FOXK2: variants seen among roughly 807,000 people sequenced by gnomAD.
FOXK2 encodes the protein forkhead box K2.
A neutral mutation model predicts 53.3 loss-of-function variants in FOXK2; 24 were observed. That is an observed-to-expected ratio of 0.45 (90% CI 0.33 to 0.63). The LOEUF (loss-of-function observed/expected upper bound fraction) is 0.63, where lower values mean the gene tolerates loss of function less well. Ranked by LOEUF, FOXK2 falls within the 30% of genes least tolerant of loss-of-function variation. The pLI is 0.03. For missense variants in FOXK2, 952 were observed against 910.5 expected (o/e 1.05, Z -0.59); for synonymous variants, 505 against 407.1 (o/e 1.24, Z -2.89).
intron 3 of FOXK2, among the ~76,000 whole-genome samples, chr17:82,568,644 T>C (rs2044879097): frequency 6.6e-6 from 1 of 152,212 alleles, no homozygotes; most frequent in African/African-American, 2.4e-5. Context: ...ACCTGGCACG[T>C]TTGTATTCTT....
chr17:82,547,325 T>C (rs1239729256), intron 1 of FOXK2, among the ~76,000 whole-genome samples: 1 of 152,100 alleles, frequency 6.6e-6, no homozygotes, highest in African/African-American at 2.4e-5. Context: ...CTGGGCCACA[T>C]TGGAAAAAGT....
At chr17:82,573,342 C>T (rs1388115360) in intron 4 of FOXK2, among the ~76,000 whole-genome samples, 1 of 152,072 alleles carries the variant, frequency 6.6e-6, no homozygotes, top group Non-Finnish European at 1.5e-5. Flanking sequence ...AGTGTCTATA[C>T]CCTGTCCTGC....
In FOXK2 at chr17:82,536,928, G is replaced by C. The variant is rs147998194; in HGVS notation, c.419+16621G>C. Among the ~76,000 whole-genome samples, 585 of 152,360 alleles carry C rather than the reference G, an allele frequency of 3.8e-3. 6 individuals carry two copies. Among genetic ancestry groups the C allele is most frequent in the African/African-American group, 0.013 (538 of 41,590 alleles). The stretch of plus-strand genomic sequence containing the variant: ...CCTTGGATCTGACTTAGGCAAAACA[G>C]AAGAGGAGTGCCTTGTGTCAGTCAG... On this transcript the variant is annotated intron_variant, in intron 1 of 8. Coordinates refer to ENST00000335255, the MANE Select transcript of FOXK2 (RefSeq NM_004514.4).
In FOXK2 at chr17:82,587,264, T is replaced by C. The variant is rs1202212961; in HGVS notation, c.1778T>C (p.Val593Ala). The C allele has an allele frequency of 1.2e-6, 2 of 1,612,616 alleles. No individual in the cohort carries two copies. Among genetic ancestry groups the C allele is most frequent in the East Asian group, 4.5e-5 (2 of 44,884 alleles). The change falls in exon 8 of 9, where the codon GTG (valine) becomes GCG (alanine). Residue 593 changes from valine (V) to alanine (A), a missense_variant. Val to Ala is a moderately conservative substitution (Grantham distance 64, BLOSUM62 0). Coordinates refer to ENST00000335255, the MANE Select transcript of FOXK2 (RefSeq NM_004514.4). Reference sequence around the variant, plus strand: ...GTCCCCACTGCGGTCCACGGCCAGGTGAACAATGGTAAGACATGCTGGTCG... The same window carrying C: ...GTCCCCACTGCGGTCCACGGCCAGGCGAACAATGGTAAGACATGCTGGTCG... The part of the protein sequence containing the change: ...ASVPTAVHGQ[V>A]NNAAASPLHM...
At chr17:82,532,181 G>C (rs1234839904) in intron 1 of FOXK2, among the ~76,000 whole-genome samples, 1 of 151,268 alleles carries the variant, frequency 6.6e-6, no homozygotes, top group Non-Finnish European at 1.5e-5. Context: ...TTTCGCTCTT[G>C]TTGCCTAGGC....
chr17:82,536,001 C>T (rs533258839), intron 1 of FOXK2, among the ~76,000 whole-genome samples: 44 of 152,092 alleles, frequency 2.9e-4, no homozygotes, highest in African/African-American at 8.4e-4. Flanking sequence ...CTCAGCCTCC[C>T]GAAGTGCTGG....
intron 8 of FOXK2, chr17:82,595,950 A>G (rs768627012): frequency 5.7e-5 from 71 of 1,245,924 alleles, no homozygotes; most frequent in Non-Finnish European, 6.9e-5. Flanking sequence ...AAGGTTGTCC[A>G]GAGACACCTA....
chr17:82,548,284 C>G (rs1287110767), intron 1 of FOXK2, among the ~76,000 whole-genome samples: 1 of 152,206 alleles, frequency 6.6e-6, no homozygotes, highest in Non-Finnish European at 1.5e-5. Context: ...ATATCCTTGT[C>G]AGCACTTGGT....
intron 4 of FOXK2, chr17:82,572,165 C>T (rs1455687953): frequency 1.4e-5 from 4 of 279,956 alleles, no homozygotes; most frequent in African/African-American, 2.2e-5. Flanking sequence ...TGAGATATTT[C>T]CCTTTGACCA....
Position 82,571,757 on chromosome 17 carries a change from C to T in FOXK2, c.796C>T (p.Leu266=), listed in dbSNP as rs1036084139. ...DSKPPYSYAQ[L]IVQAITMAPD... is the part of the protein sequence containing the mutation. ...AAAGCCGCCTTACTCCTACGCGCAG[C>T]TGATAGTTCAGGCGATTACGATGGC... The change falls in exon 4 of 9, where the codon CTG becomes TTG. Residue 266 remains leucine (L), a synonymous_variant. Coordinates refer to ENST00000335255, the MANE Select transcript of FOXK2 (RefSeq NM_004514.4). 5.0e-6 allele frequency: 8 copies of T among 1,589,152 alleles called. No individual in the cohort carries two copies. The highest frequency in any genetic ancestry group is 6.8e-6 in the Non-Finnish European group (8 of 1,171,124).
intron 8 of FOXK2, 185 bp from the exon 9 acceptor site, chr17:82,601,118 T>G: frequency 1.6e-6 from 1 of 617,474 alleles, no homozygotes; most frequent in Non-Finnish European, 2.7e-6. Flanking sequence ...TTGGCCACCG[T>G]GGGCCAGTCC....
intron 8 of FOXK2, among the ~76,000 whole-genome samples, chr17:82,588,056 C>T (rs1288811712): frequency 1.3e-5 from 2 of 152,168 alleles, no homozygotes; most frequent in African/African-American, 2.4e-5. Flanking sequence ...CCTTACCGAA[C>T]GCTACGAACA....
At chr17:82,527,096 A>G (rs1055370451) in intron 1 of FOXK2, among the ~76,000 whole-genome samples, 3 of 152,134 alleles carry the variant, frequency 2.0e-5, no homozygotes, top group Non-Finnish European at 1.5e-5. Flanking sequence ...TGAGCCTGGG[A>G]CACAGGAGTT....
Position 82,563,445 on chromosome 17 carries a change from C to T in FOXK2, c.511C>T (p.Pro171Ser). 2 of 1,614,194 alleles carry T rather than the reference C, an allele frequency of 1.2e-6. No individual in the cohort carries two copies. The highest frequency in any genetic ancestry group is 1.1e-5 in the South Asian group (1 of 91,084). ...KREKQEASES[P>S]VKAVQPHISP... ...AGAGAAGCAGGAGGCGTCTGAGTCT[C>T]CAGTGAAGGCCGTACAGCCACACAT... Residue 171 changes from proline (P) to serine (S), a missense_variant, in exon 2 of 9, where the codon CCA (proline) becomes TCA (serine). Transcript: ENST00000335255.
At chr17:82,600,547 G>C (rs1376918582) in intron 8 of FOXK2, 1 of 152,272 alleles carries the variant, frequency 6.6e-6, no homozygotes, top group Non-Finnish European at 1.5e-5. Context: ...ATCTAAAGAA[G>C]TAACTATACA....
intron 1 of FOXK2, among the ~76,000 whole-genome samples, chr17:82,536,396 C>A (rs2044521173): frequency 1.3e-5 from 2 of 152,192 alleles, no homozygotes. Flanking sequence ...AAATCAGATT[C>A]TTCTCCTTTC....
chr17:82,586,160 G>A lies in FOXK2; in HGVS notation c.1536G>A (p.Lys512=). The change falls in exon 7 of 9, where the codon AAG becomes AAA. Residue 512 remains lysine (K), a synonymous_variant. Coordinates refer to ENST00000335255, the MANE Select transcript of FOXK2 (RefSeq NM_004514.4). ...CGGCAGCCGTGCTGGCCCCTCCTAA[G>A]GCAGAGGCCCAGGAGAATGGAGACC... The part of the protein sequence containing the change: ...VTPAAVLAPP[K]AEAQENGDHR... The A allele has an allele frequency of 6.2e-7, 1 of 1,612,422 alleles. No homozygotes were observed. The highest frequency in any genetic ancestry group is 8.5e-7 in the Non-Finnish European group (1 of 1,179,802).
chr17:82,543,319 A>T (rs1187745042), intron 1 of FOXK2, among the ~76,000 whole-genome samples: 1 of 152,158 alleles, frequency 6.6e-6, no homozygotes, highest in African/African-American at 2.4e-5. Flanking sequence ...TGGTGCAGTC[A>T]TAGCTCACTG....
At chr17:82,600,163 G>C (rs1408923556) in intron 8 of FOXK2, 1 of 152,326 alleles carries the variant, frequency 6.6e-6, no homozygotes, top group African/African-American at 2.4e-5. Flanking sequence ...GGAGGTGACA[G>C]CGTCTTCCAG....
Sources: gnomAD v4.1 joint callset for allele counts (sites outside exome capture counted in the v4.1 genomes callset) on GRCh38, gnomAD v4.1.1 for gene constraint, MANE v1.5 for transcripts, NCBI Gene and HGNC (gene_info 2026-07-23, HGNC 2026-07-21) for gene names.